The following DCTN1 variants were observed in gnomAD, a reference collection of about 807,000 sequenced individuals.
DCTN1 encodes the protein 150 kDa dynein-associated polypeptide.
Under a neutral mutation model 161.2 loss-of-function variants are expected in DCTN1, and 61 were observed. That is an observed-to-expected ratio of 0.38 (90% CI 0.31 to 0.47). The LOEUF is 0.47. Ranked by LOEUF, DCTN1 falls within the 20% of genes least tolerant of loss-of-function variation. The pLI is 0.99. For missense variants in DCTN1, 1,404 were observed against 1,623.7 expected, an observed-to-expected ratio of 0.86 and a Z score of 2.33; for synonymous variants, 653 against 632.4, an observed-to-expected ratio of 1.03 and a Z score of -0.49.
chr2:74,384,285 A>C (rs1675635168), upstream of DCTN1, among the ~76,000 whole-genome samples: 1 of 152,236 alleles, frequency 6.6e-6, no homozygotes, highest in Non-Finnish European at 1.5e-5. Context: ...TCAGAAGTCA[A>C]ATGACTTGCC....
chr2:74,368,271 G>T, intron 16 of DCTN1, 140 bp from the exon 17 acceptor site: 1 of 1,175,064 alleles, frequency 8.5e-7, no homozygotes, highest in Non-Finnish European at 1.2e-6. Flanking sequence ...TCTTACCTGG[G>T]TGGGGAATCT....
At chr2:74,383,088 A>T (rs1034183908), upstream of DCTN1, among the ~76,000 whole-genome samples, 3 of 150,408 alleles carry the variant, frequency 2.0e-5, no homozygotes, top group African/African-American at 7.5e-5. Context: ...TCTCAAAAAA[A>T]AAAAAATAAA....
rs543675844 is a variant in DCTN1, at chr2:74,388,574, G to A, written c.-19+3220C>T. Reference sequence around the variant, plus strand: ...GCCCAATTCTCACCTCTTTCCTAAAGACTCTCCTGGCTTCTCCATGTGGAG... The same window carrying A: ...GCCCAATTCTCACCTCTTTCCTAAAAACTCTCCTGGCTTCTCCATGTGGAG... On this transcript the variant is annotated intron_variant, in intron 1 of 27. Coordinates refer to the DCTN1 transcript ENST00000409240. Among the ~76,000 whole-genome samples the A allele has an allele frequency of 2.0e-5, 3 of 152,234 alleles. No individual in the cohort carries two copies. The South Asian group carries it at 6.2e-4, about 32-fold the overall frequency.
Position 74,369,279 on chromosome 2 carries a change from G to C in DCTN1, c.1584+21C>G, listed in dbSNP as rs775207307. On this transcript the variant is annotated intron_variant, in intron 14 of 31. Transcript: ENST00000628224. This position sits in a 1 kb window ranked among gnomAD's most constrained non-coding sequence, Gnocchi z 4.9. The stretch of plus-strand genomic sequence containing the variant: ...AAGCCCTGGGGTGATGGTGGGCAGA[G>C]AGCAAACAGTGGGCATGTACCTGTA... The C allele has an allele frequency of 1.9e-6, 3 of 1,614,116 alleles. No homozygotes were observed. The highest frequency in any genetic ancestry group is 3.3e-5 in the Admixed American group (2 of 60,014).
chr2:74,383,114 T>A (rs151077834), upstream of DCTN1, among the ~76,000 whole-genome samples: 5,709 of 151,090 alleles, frequency 0.038, 374 homozygotes, highest in African/African-American at 0.13. Context: ...AAAATAAAAA[T>A]AAAAAATATG....
chr2:74,371,416 C>A, intron 8 of DCTN1, 121 bp downstream of exon 8: 3 of 1,272,666 alleles, frequency 2.4e-6, no homozygotes, highest in Middle Eastern at 2.7e-4. Flanking sequence ...TAGGCTATGT[C>A]CTCACCCTTT....
At chr2:74,363,535 C>A in intron 27 of DCTN1, 79 bp downstream of exon 27, 3 of 1,598,986 alleles carry the variant, frequency 1.9e-6, no homozygotes, top group Non-Finnish European at 2.6e-6. Context: ...CATCTCCAGT[C>A]CTGGCTTCCC....
intron 6 of DCTN1, 115 bp downstream of exon 6, chr2:74,374,208 C>T (rs555876452): frequency 1.3e-5 from 15 of 1,173,406 alleles, no homozygotes; most frequent in East Asian, 4.8e-5. Context: ...CGTCCTCACC[C>T]GCCTCCCCGA....
rs1292168168 is a variant in DCTN1 at position 74,380,085 on chromosome 2, G to A, written c.-48C>T. ...CCTCCCCCAGCTGGCCAAAGACAGA[G>A]AGAAAAGGTAGAAACCTAGGCAGGA... On this transcript the variant is annotated 5_prime_UTR_variant, in exon 1 of 32. Transcript: ENST00000628224. 6.2e-7 allele frequency: 1 copy of A among 1,611,094 alleles called. No homozygotes were observed. Among genetic ancestry groups the A allele is most frequent in the Non-Finnish European group, 8.5e-7 (1 of 1,178,066 alleles).
Position 74,361,249 on chromosome 2 carries a change from C to G in DCTN1, c.*250G>C. 6.2e-6 allele frequency: 4 copies of G among 646,400 alleles called. No homozygotes were observed. Among genetic ancestry groups the G allele is most frequent in the Non-Finnish European group, 1.1e-5 (4 of 352,952 alleles). The allele number at this position is 646,400 out of a possible 1,614,324, so 40.0% of individuals were successfully genotyped here. A position where few individuals can be genotyped will look rare whatever the true frequency, so the allele number is the denominator to read the frequency against. On this transcript the variant is annotated 3_prime_UTR_variant, in exon 32 of 32. Transcript: ENST00000628224. ...TGGTGGGGTCTCAGCCTACCCCCCA[C>G]AAGCCCTGAGGCCCCTCAGGAAGGA...
Position 74,371,637 on chromosome 2 carries a change from T to G in DCTN1, c.545A>C (p.Glu182Ala). ...SASAGELSSS[E>A]PSTPAQTPLA... ...CGGAGTCTGAGCCGGGGTGCTGGGC[T>G]CACTGCTGCTCAGCTCACCTGCTGA... Residue 182 changes from glutamate (E) to alanine (A), a missense_variant, in exon 8 of 32, where the codon GAG becomes GCG. Physicochemically the swap from Glu to Ala is moderately radical, Grantham distance 107. This residue lies in a region of DCTN1 where 174 missense variants were observed against 175.6 expected (regional missense o/e 0.99). Transcript: ENST00000628224. The G allele has an allele frequency of 6.3e-7, 1 of 1,592,654 alleles. No homozygotes were observed. Among genetic ancestry groups the G allele is most frequent in the South Asian group, 1.1e-5 (1 of 87,440 alleles).
At position 74,371,561 on chromosome 2, in the gene DCTN1, GA is replaced by G; in HGVS notation, c.620del (p.Val207AlafsTer14). On this transcript the variant is annotated frameshift_variant, in exon 8 of 32. Coordinates refer to ENST00000628224, the MANE Select transcript of DCTN1 (RefSeq NM_004082.5). LOFTEE classifies it high-confidence loss of function. ...PTPVLTSPGA[V>X]PPLPSPSKEE... ...CCTTGGATGGGGAAGGAAGCGGGGG[GA>G]CTGCTCCAGGAGAGGTGAGGACCGG... is the stretch of plus-strand genomic sequence containing the variant. 1 of 1,581,380 alleles carries G rather than the reference GA, an allele frequency of 6.3e-7. No homozygotes were observed. The highest frequency in any genetic ancestry group is 8.6e-7 in the Non-Finnish European group (1 of 1,163,992).
chr2:74,368,190 C>G (rs1201779519), intron 16 of DCTN1, 59 bp from the exon 17 acceptor site: 1 of 1,549,694 alleles, frequency 6.5e-7, no homozygotes, highest in Non-Finnish European at 8.7e-7. Flanking sequence ...AACAGAGACT[C>G]AGGAATATAG....
rs1234102288 is a variant in DCTN1, at chr2:74,374,170, T to A, written c.432+153A>T. 5.2e-6 allele frequency: 4 copies of A among 762,206 alleles called. No homozygotes were observed. In the Admixed American group the frequency reaches 8.2e-5, roughly 16 times the overall value. 47.2% of individuals were successfully genotyped at this position (762,206 alleles called of 1,614,324 possible). A position where few individuals can be genotyped will look rare whatever the true frequency, so the allele number is the denominator to read the frequency against. On this transcript the variant is annotated intron_variant, in intron 6 of 31. Transcript: ENST00000628224. ...ATGCCCAGGGTGTGGGGCATAGTGG[T>A]GACACACACCTCTCCCTAACCCACC... is the stretch of plus-strand genomic sequence containing the variant.
Position 74,361,471 on chromosome 2 carries a change from C to T in DCTN1, c.*28G>A, listed in dbSNP as rs1360172372. The T allele has an allele frequency of 9.3e-6, 15 of 1,613,628 alleles. No homozygotes were observed. Among genetic ancestry groups the T allele is most frequent in the East Asian group, 4.5e-5 (2 of 44,876 alleles). On this transcript the variant is annotated 3_prime_UTR_variant, in exon 32 of 32. Coordinates refer to ENST00000628224, the MANE Select transcript of DCTN1 (RefSeq NM_004082.5). ...AGAGCGGCACCAGAGGGCTGAGGGT[C>T]GAAGGGGACAGCAGGGGAAAGGAGT...
At position 74,363,426 on chromosome 2, in the gene DCTN1, T is replaced by A; in HGVS notation, c.3213A>T (p.Gly1071=). The change falls in exon 28 of 32, where the codon GGA becomes GGT. Residue 1071 remains glycine, a splice_region_variant and synonymous_variant. Coordinates refer to ENST00000628224, the MANE Select transcript of DCTN1 (RefSeq NM_004082.5). ...ACCCTGGAGCCTGCCCAGGGATGGC[T>A]CCTGTGGGGACCATAAAAAATCTCA... ...SGIAGEEQQR[G]AIPGQAPGSV... is the part of the protein sequence containing the mutation. 1 of 1,612,062 alleles carries A rather than the reference T, an allele frequency of 6.2e-7. No homozygotes were observed. Among genetic ancestry groups the A allele is most frequent in the Non-Finnish European group, 8.5e-7 (1 of 1,179,742 alleles).
chr2:74,383,262 T>A (rs752455049), upstream of DCTN1, among the ~76,000 whole-genome samples: 2 of 152,250 alleles, frequency 1.3e-5, no homozygotes, highest in African/African-American at 4.8e-5. Context: ...TATCAAACTA[T>A]AAGCCTTTTG....
At chr2:74,383,203 A>G (rs564630862), upstream of DCTN1, among the ~76,000 whole-genome samples, 46 of 152,390 alleles carry the variant, frequency 3.0e-4, no homozygotes, top group South Asian at 8.7e-3. Context: ...ACTAGCGAAT[A>G]GTAAAGAACC....
chr2:74,375,027 C>T (rs554337062), intron 5 of DCTN1, among the ~76,000 whole-genome samples: 1 of 152,272 alleles, frequency 6.6e-6, no homozygotes, highest in South Asian at 2.1e-4. Context: ...CCCACAGCCC[C>T]ATTAACTCCA....
Sources: allele counts gnomAD v4.1 joint callset (sites outside exome capture counted in the v4.1 genomes callset), GRCh38; gene constraint gnomAD v4.1.1; regional missense constraint gnomAD v4.1.1; non-coding constraint Gnocchi (gnomAD v3.1); transcripts MANE v1.5; gene names NCBI Gene and HGNC (gene_info 2026-07-23, HGNC 2026-07-21).